DNAH11: variants seen among roughly 807,000 people sequenced by gnomAD.
The protein encoded by DNAH11 is axonemal beta dynein heavy chain 11.
DNAH11 carries 442 observed loss-of-function variants against 526.0 expected under a neutral mutation model. The observed-to-expected ratio is 0.84, with a 90% confidence interval of 0.78 to 0.91. The LOEUF (loss-of-function observed/expected upper bound fraction) is 0.91. DNAH11 is among the 40% of genes least tolerant of loss of function. The probability of loss-of-function intolerance (pLI) is 0.00; values close to 1 mark genes in which losing one functional copy is unlikely to be tolerated. For missense variants in DNAH11, 6,989 were observed against 5,448.7 expected, an observed-to-expected ratio of 1.28 and a Z score of -8.90; for synonymous variants, 2,461 against 1,935.9, an observed-to-expected ratio of 1.27 and a Z score of -7.12.
At position 21,899,833 on chromosome 7, in the gene DNAH11, A is replaced by T. The variant is rs1324356083; in HGVS notation, c.13163-147A>T. 3 of 961,400 alleles carry T rather than the reference A, an allele frequency of 3.1e-6. No individual in the cohort carries two copies. The African/African-American group carries it at 5.0e-5, about 16-fold the overall frequency. The allele number at this position is 961,400 out of a possible 1,614,324, so 59.6% of individuals were successfully genotyped here. A position where few individuals can be genotyped will look rare whatever the true frequency, so the allele number is the denominator to read the frequency against. ...CTTGTCCTGCAGGCCTTAGTTGGCCAACCCCCTGCTCCAGCGCAGCCATGT... is the reference window on the plus strand; with the variant it reads ...CTTGTCCTGCAGGCCTTAGTTGGCCTACCCCCTGCTCCAGCGCAGCCATGT... On this transcript the variant is annotated intron_variant, in intron 80 of 81. Transcript: ENST00000409508.
chr7:21,543,354 G>A lies in DNAH11; in HGVS notation c.109G>A (p.Glu37Lys). The A allele has an allele frequency of 6.4e-7, 1 of 1,551,152 alleles. No homozygotes were observed. Among genetic ancestry groups the A allele is most frequent in the South Asian group, 1.2e-5 (1 of 84,038 alleles). Residue 37 changes from glutamate to lysine, a missense_variant, in exon 1 of 82, where the codon GAG (glutamate) becomes AAG (lysine). Coordinates refer to ENST00000409508, the MANE Select transcript of DNAH11 (RefSeq NM_001277115.2). ...LEAVGAVELEEEEENEEEAAA... is the reference protein window; with the variant it reads ...LEAVGAVELEKEEENEEEAAA... ...GGCAGTGGGCGCTGTGGAGCTCGAG[G>A]AGGAGGAGGAGAACGAGGAGGAGGC...
chr7:21,851,770 A>G lies in DNAH11; in HGVS notation c.10897-697A>G, dbSNP rs370865134. ...GTGTTTGCCTGTTTTTAGGATGGCAATTTGTCCTGTGACCTCCGTTCTCTG... is the reference window on the plus strand; with the variant it reads ...GTGTTTGCCTGTTTTTAGGATGGCAGTTTGTCCTGTGACCTCCGTTCTCTG... On this transcript the variant is annotated intron_variant, in intron 66 of 81. Coordinates refer to ENST00000409508, the MANE Select transcript of DNAH11 (RefSeq NM_001277115.2). 2.6e-4 allele frequency: 112 copies of G among 427,284 alleles called. 2 individuals carry two copies. Among genetic ancestry groups the G allele is most frequent in the South Asian group, 1.3e-3 (74 of 57,940 alleles). 26.5% of individuals were successfully genotyped at this position (427,284 alleles called of 1,614,324 possible).
At chr7:21,679,497 G>A (rs927375620) in intron 30 of DNAH11, among the ~76,000 whole-genome samples, 4 of 152,140 alleles carry the variant, frequency 2.6e-5, no homozygotes, top group Admixed American at 6.5e-5. Flanking sequence ...TACCTTAAAC[G>A]TATACAATTT....
At chr7:21,653,166 G>A (rs1340345287) in intron 28 of DNAH11, among the ~76,000 whole-genome samples, 3 of 152,178 alleles carry the variant, frequency 2.0e-5, no homozygotes, top group African/African-American at 7.2e-5. Context: ...ATGAGCCACT[G>A]CACCCAGCCT....
chr7:21,883,203 C>T (rs1783989622), intron 75 of DNAH11, among the ~76,000 whole-genome samples: 1 of 152,192 alleles, frequency 6.6e-6, no homozygotes, highest in African/African-American at 2.4e-5. Context: ...TCACATCACG[C>T]AACAAGCGAA....
intron 44 of DNAH11, among the ~76,000 whole-genome samples, chr7:21,722,622 C>T (rs750749713): frequency 6.6e-6 from 1 of 152,118 alleles, no homozygotes; most frequent in Non-Finnish European, 1.5e-5. Context: ...CTTATTTCAG[C>T]CATTCTCAGA....
intron 55 of DNAH11, among the ~76,000 whole-genome samples, chr7:21,772,620 C>T (rs1321313006): frequency 6.6e-6 from 1 of 152,032 alleles, no homozygotes; most frequent in African/African-American, 2.4e-5. Flanking sequence ...TATCTGGGGT[C>T]CACTAGAAAC....
rs148692176 is a variant in DNAH11, at chr7:21,706,066, T to C, written c.6546+529T>C. Among the ~76,000 whole-genome samples the C allele has an allele frequency of 4.1e-3, 629 of 152,258 alleles. 7 individuals carry two copies. Among genetic ancestry groups the C allele is most frequent in the African/African-American group, 0.014 (599 of 41,554 alleles). The stretch of plus-strand genomic sequence containing the variant: ...TTCCTTCAGTACTCCCTCAGAAATA[T>C]AACCCTCTATATGGCCAAACAAAAC... On this transcript the variant is annotated intron_variant, in intron 39 of 81. Coordinates refer to ENST00000409508, the MANE Select transcript of DNAH11 (RefSeq NM_001277115.2).
chr7:21,638,024 C>T (rs1483445929), intron 27 of DNAH11, among the ~76,000 whole-genome samples: 1 of 151,958 alleles, frequency 6.6e-6, no homozygotes, highest in Admixed American at 6.6e-5. Flanking sequence ...TGATTGAGCA[C>T]CTGGGATTGC....
intron 51 of DNAH11, among the ~76,000 whole-genome samples, chr7:21,745,590 A>G (rs1397002050): frequency 1.3e-5 from 2 of 152,218 alleles, no homozygotes; most frequent in African/African-American, 2.4e-5. Flanking sequence ...CAGCCCTCCT[A>G]TGGGACATTG....
intron 61 of DNAH11, among the ~76,000 whole-genome samples, chr7:21,789,808 T>TCTTGTTTCTTTCTTTCTTTCTTTC: frequency 2.9e-5 from 1 of 34,084 alleles, no homozygotes; most frequent in Non-Finnish European, 7.4e-5. Flanking sequence ...TTTCTTTCTT[T>TCTTGTTTCTTTCTTTCTTTCTTTC]TTTCTTTCTT....
At chr7:21,898,999 T>C (rs1024381774) in intron 79 of DNAH11, among the ~76,000 whole-genome samples, 1 of 151,610 alleles carries the variant, frequency 6.6e-6, no homozygotes, top group African/African-American at 2.4e-5. Flanking sequence ...AGTTGGCGCT[T>C]GTCAGTCCAA....
chr7:21,594,563 A>C (rs1371303583), intron 14 of DNAH11, among the ~76,000 whole-genome samples: 1 of 152,136 alleles, frequency 6.6e-6, no homozygotes, highest in Non-Finnish European at 1.5e-5. Flanking sequence ...TCGAGGATGC[A>C]GTTTTAAGTA....
chr7:21,810,671 T>G (rs945787760), intron 63 of DNAH11, among the ~76,000 whole-genome samples: 2 of 152,108 alleles, frequency 1.3e-5, no homozygotes, highest in Non-Finnish European at 2.9e-5. Context: ...TAATAAAGCT[T>G]TCATCAGAAT....
chr7:21,702,313 G>A (rs1784097696), intron 36 of DNAH11, among the ~76,000 whole-genome samples: 1 of 152,300 alleles, frequency 6.6e-6, no homozygotes, highest in South Asian at 2.1e-4. Context: ...CTGGGGAGAA[G>A]TAGAATACCA....
intron 63 of DNAH11, among the ~76,000 whole-genome samples, chr7:21,812,516 T>A (rs74722421): frequency 0.01 from 580 of 55,412 alleles, 5 homozygotes; most frequent in Non-Finnish European, 0.014. Context: ...GAAAAAAAAA[T>A]TTTTTTTAAA....
At chr7:21,829,736 C>T (rs540648647) in intron 65 of DNAH11, among the ~76,000 whole-genome samples, 6 of 152,220 alleles carry the variant, frequency 3.9e-5, no homozygotes, top group Non-Finnish European at 5.9e-5. Flanking sequence ...GGGCATCATT[C>T]GTTTTCAGAT....
At chr7:21,885,947 C>G (rs1784109478) in intron 76 of DNAH11, among the ~76,000 whole-genome samples, 1 of 152,144 alleles carries the variant, frequency 6.6e-6, no homozygotes, top group African/African-American at 2.4e-5. Flanking sequence ...ATTTTTGTTT[C>G]TCGTACTACA....
chr7:21,846,171 G>A (rs1039606341), intron 66 of DNAH11, among the ~76,000 whole-genome samples: 5 of 152,156 alleles, frequency 3.3e-5, no homozygotes, highest in African/African-American at 7.2e-5. Flanking sequence ...CATGTCATGC[G>A]TGAACAAAGA....
Sources: allele counts gnomAD v4.1 joint callset (sites outside exome capture counted in the v4.1 genomes callset), GRCh38; gene constraint gnomAD v4.1.1; transcripts MANE v1.5; gene names NCBI Gene and HGNC (gene_info 2026-07-23, HGNC 2026-07-21).